CACNA1A: variants seen among roughly 807,000 people sequenced by gnomAD.
CACNA1A encodes voltage-dependent P/Q-type calcium channel subunit alpha-1A.
CACNA1A carries 57 observed loss-of-function variants against 262.4 expected under a neutral mutation model. The ratio of observed to expected loss-of-function variants is 0.22; its 90% CI spans 0.18 to 0.27. The LOEUF (loss-of-function observed/expected upper bound fraction) is 0.27. Ranked by LOEUF, CACNA1A falls within the 10% of genes least tolerant of loss-of-function variation. CACNA1A has a pLI of 1.00. For synonymous variants in CACNA1A, 1,431 were observed against 1,419.3 expected, an observed-to-expected ratio of 1.01 and a Z score of -0.18; for missense variants, 2,526 against 3,562.8, an observed-to-expected ratio of 0.71 and a Z score of 7.41.
chr19:13,385,985 C>T (rs965952724), intron 3 of CACNA1A, among the ~76,000 whole-genome samples: 1 of 151,614 alleles, frequency 6.6e-6, no homozygotes, highest in African/African-American at 2.4e-5. Context: ...AAAGAGACCC[C>T]ATCTCTACAA....
chr19:13,425,759 A>G (rs1443034749), intron 3 of CACNA1A, among the ~76,000 whole-genome samples: 1 of 152,142 alleles, frequency 6.6e-6, no homozygotes, highest in Non-Finnish European at 1.5e-5. Context: ...ACTCCCTTCA[A>G]CAGTGTCCCA....
intron 24 of CACNA1A, among the ~76,000 whole-genome samples, chr19:13,264,867 T>C (rs2056825360): frequency 1.5e-5 from 2 of 132,954 alleles, no homozygotes; most frequent in African/African-American, 5.6e-5. Flanking sequence ...GTGTTCATTT[T>C]CCCTTTAATC....
chr19:13,251,850 C>T (rs376239842), intron 30 of CACNA1A, among the ~76,000 whole-genome samples: 7 of 151,904 alleles, frequency 4.6e-5, no homozygotes, highest in African/African-American at 1.2e-4. Flanking sequence ...CTGTAACCTC[C>T]ACTTTGTGGG....
rs1222530267 is a variant in CACNA1A, at chr19:13,359,600, A to G, written c.978+6T>C. ...TGTCCACACACACTGTCCCAGCATC[A>G]CTTACATTGTAGAGGAGATCAGTCC... On this transcript the variant is annotated splice_donor_region_variant and intron_variant, in intron 6 of 46. Transcript: ENST00000360228. 1 of 1,603,842 alleles carries G rather than the reference A, an allele frequency of 6.2e-7. No homozygotes were observed. Among genetic ancestry groups the G allele is most frequent in the Non-Finnish European group, 8.5e-7 (1 of 1,173,166 alleles).
rs1445025149 is a variant in CACNA1A, at chr19:13,207,438, A to G, written c.7396T>C (p.Ser2466Pro). The G allele has an allele frequency of 7.9e-6, 12 of 1,518,572 alleles. No homozygotes were observed. The highest frequency in any genetic ancestry group is 2.6e-5 in the East Asian group (1 of 39,110). 94.1% of individuals were successfully genotyped at this position (1,518,572 alleles called of 1,614,324 possible). Residue 2466 changes from serine (S) to proline (P), a missense_variant, in exon 47 of 47, where the codon TCT becomes CCT. By Grantham distance (74) the Ser-to-Pro change is moderately conservative. Transcript: ENST00000360228. This position sits in a 1 kb window ranked among gnomAD's most constrained non-coding sequence, Gnocchi z 5.7. ...RASGPACASP[S>P]RHGRRLPNGY... ...TTGGGGAGTCGCCGGCCGTGCCGAG[A>G]AGGCGAGGCGCAGGCCGGGCCCGAG...
chr19:13,290,593 G>T (rs2057510814), intron 19 of CACNA1A, among the ~76,000 whole-genome samples: 1 of 151,830 alleles, frequency 6.6e-6, no homozygotes, highest in Non-Finnish European at 1.5e-5. Context: ...ATTAATTTTT[G>T]TAGAGACAGG....
At chr19:13,240,526 G>A (rs2056040673) in intron 31 of CACNA1A, among the ~76,000 whole-genome samples, 1 of 150,886 alleles carries the variant, frequency 6.6e-6, no homozygotes, top group Non-Finnish European at 1.5e-5. Flanking sequence ...ACTGTGCACA[G>A]TGTGTGTGCA....
intron 2 of CACNA1A, 112 bp downstream of exon 2, chr19:13,454,995 T>C: frequency 1.6e-6 from 1 of 618,572 alleles, no homozygotes; most frequent in South Asian, 2.1e-5. Flanking sequence ...CTTCCCATGA[T>C]CTGGCTCTGG....
At chr19:13,503,436 C>CT (rs576544782) in intron 1 of CACNA1A, among the ~76,000 whole-genome samples, 28 of 151,102 alleles carry the variant, frequency 1.9e-4, no homozygotes, top group East Asian at 1.2e-3. Context: ...TACCTACACA[C>CT]TTTTTTTTTC....
intron 3 of CACNA1A, among the ~76,000 whole-genome samples, chr19:13,418,675 T>G (rs937793278): frequency 2.6e-5 from 4 of 152,012 alleles, no homozygotes; most frequent in African/African-American, 9.7e-5. Context: ...CCCGGATCCT[T>G]TGGAGGGACC....
At chr19:13,391,384 T>G (rs2059707682) in intron 3 of CACNA1A, among the ~76,000 whole-genome samples, 2 of 152,198 alleles carry the variant, frequency 1.3e-5, no homozygotes, top group Admixed American at 6.5e-5. Context: ...CTTAACCTTC[T>G]ACATGGAGAG....
intron 3 of CACNA1A, among the ~76,000 whole-genome samples, chr19:13,430,481 C>T (rs769759782): frequency 2.6e-5 from 4 of 152,168 alleles, no homozygotes; most frequent in African/African-American, 4.8e-5. Flanking sequence ...GCTGGGATTA[C>T]AGGCGTGAGC....
intron 3 of CACNA1A, among the ~76,000 whole-genome samples, chr19:13,416,060 C>T (rs894338264): frequency 2.0e-5 from 3 of 152,182 alleles, no homozygotes; most frequent in African/African-American, 7.2e-5. Context: ...TGATTAAGCA[C>T]TTGAAGTGCA....
At chr19:13,400,709 C>T (rs947574115) in intron 3 of CACNA1A, among the ~76,000 whole-genome samples, 6 of 152,124 alleles carry the variant, frequency 3.9e-5, no homozygotes, top group Non-Finnish European at 7.4e-5. Flanking sequence ...GGGGCGCGGG[C>T]GCTACTGGCA....
At chr19:13,270,168 C>G (rs2056981965) in intron 24 of CACNA1A, among the ~76,000 whole-genome samples, 2 of 152,114 alleles carry the variant, frequency 1.3e-5, no homozygotes, top group Admixed American at 1.3e-4. Flanking sequence ...ACTTACTTCC[C>G]TCCACAGTCC....
chr19:13,254,577 G>T (rs1049794824), intron 29 of CACNA1A, among the ~76,000 whole-genome samples: 1 of 152,004 alleles, frequency 6.6e-6, no homozygotes, highest in African/African-American at 2.4e-5. Context: ...GGTCAGGCTG[G>T]TCTCGAACTC....
chr19:13,496,104 C>A (rs777175134), intron 1 of CACNA1A, among the ~76,000 whole-genome samples: 2 of 151,368 alleles, frequency 1.3e-5, no homozygotes, highest in Non-Finnish European at 2.9e-5. Flanking sequence ...AGACATCCAA[C>A]ACTAACTGCA....
At chr19:13,279,148 G>A (rs899212667) in intron 22 of CACNA1A, among the ~76,000 whole-genome samples, 5 of 152,182 alleles carry the variant, frequency 3.3e-5, no homozygotes, top group Admixed American at 6.5e-5. Flanking sequence ...AGGGAGCTGG[G>A]AAAGGGCAGG....
At chr19:13,455,861 C>A (rs566371457) in intron 1 of CACNA1A, among the ~76,000 whole-genome samples, 1 of 140,430 alleles carries the variant, frequency 7.1e-6, no homozygotes, top group South Asian at 2.4e-4. Flanking sequence ...CAGAAGGAGG[C>A]CCTGTCTCAA....
Sources: gnomAD v4.1 joint callset for allele counts (sites outside exome capture counted in the v4.1 genomes callset) on GRCh38, gnomAD v4.1.1 for gene constraint, Gnocchi (gnomAD v3.1) non-coding constraint, MANE v1.5 for transcripts, NCBI Gene and HGNC (gene_info 2026-07-23, HGNC 2026-07-21) for gene names.